The following HECTD4 variants were observed in gnomAD, a reference collection of about 807,000 sequenced individuals.
HECTD4 encodes the protein HECT domain E3 ubiquitin protein ligase 4, also known as probable E3 ubiquitin-protein ligase HECTD4.
HECTD4 carries 114 observed loss-of-function variants against 471.5 expected under a neutral mutation model. The ratio of observed to expected loss-of-function variants is 0.24; its 90% CI spans 0.21 to 0.28. The LOEUF is 0.28. Among genes scored for constraint, HECTD4 ranks in the 10% least tolerant of loss-of-function variants. The pLI, the probability that HECTD4 is intolerant of heterozygous loss-of-function variation, is 1.00. For synonymous variants in HECTD4, 2,012 were observed against 2,256.0 expected (o/e 0.89, Z 3.07); for missense variants, 3,866 against 5,651.5 (o/e 0.68, Z 10.13).
At chr12:112,358,666 T>C (rs921766384) in intron 1 of HECTD4, among the ~76,000 whole-genome samples, 4 of 152,094 alleles carry the variant, frequency 2.6e-5, no homozygotes, top group Non-Finnish European at 5.9e-5. Context: ...ACATTTCGAA[T>C]CATAATTGAC....
intron 1 of HECTD4, among the ~76,000 whole-genome samples, chr12:112,333,076 T>C (rs942004838): frequency 6.6e-6 from 1 of 152,246 alleles, no homozygotes; most frequent in Non-Finnish European, 1.5e-5. Context: ...TTTGTATAGC[T>C]AGACCACATT....
At chr12:112,364,404 C>T (rs1490152052) in intron 1 of HECTD4, among the ~76,000 whole-genome samples, 1 of 143,412 alleles carries the variant, frequency 7.0e-6, no homozygotes, top group African/African-American at 2.7e-5. Context: ...AAGACTCTCT[C>T]TCTCAAAAAA....
intron 1 of HECTD4, among the ~76,000 whole-genome samples, chr12:112,371,034 T>C (rs964135907): frequency 7.9e-5 from 12 of 152,076 alleles, no homozygotes; most frequent in Non-Finnish European, 1.3e-4. Context: ...TTTCGGCAAT[T>C]GACAGTACTT....
At chr12:112,249,900 T>C in intron 25 of HECTD4, 3 of 517,838 alleles carry the variant, frequency 5.8e-6, no homozygotes, top group East Asian at 3.5e-5. Flanking sequence ...AGGTGCAAAA[T>C]GGGGTCCAAG....
chr12:112,213,905 C>A lies in HECTD4; in HGVS notation c.7466-1255G>T, dbSNP rs1344310089. Among the ~76,000 whole-genome samples the A allele has an allele frequency of 2.4e-4, 37 of 151,248 alleles. No individual in the cohort carries two copies. The highest frequency in any genetic ancestry group is 2.2e-3 in the Admixed American group (33 of 15,174). ...GGCATGGTAGTGTGTGCCTATGGTC[C>A]CAGTTACTCAGGAGGCTGAGATGGG... On this transcript the variant is annotated intron_variant, in intron 48 of 75. Transcript: ENST00000682272. This position sits in a 1 kb window ranked among gnomAD's most constrained non-coding sequence, Gnocchi z 4.0.
intron 32 of HECTD4, among the ~76,000 whole-genome samples, chr12:112,241,393 G>T (rs890706103): frequency 2.0e-5 from 3 of 152,134 alleles, no homozygotes; most frequent in Non-Finnish European, 4.4e-5. Context: ...TGAGGTGATG[G>T]TTTCCTCTTC....
At chr12:112,266,826 G>T in intron 14 of HECTD4, 86 bp downstream of exon 14, 1 of 737,990 alleles carries the variant, frequency 1.4e-6, no homozygotes. Context: ...ACATGAAGAA[G>T]TGTAAATATT....
rs1011003461 is a variant in HECTD4, at chr12:112,167,923, G to A, written c.12209-6C>T. 1 of 1,611,632 alleles carries A rather than the reference G, an allele frequency of 6.2e-7. No individual in the cohort carries two copies. The highest frequency in any genetic ancestry group is 8.5e-7 in the Non-Finnish European group (1 of 1,178,320). Reference sequence around the variant, plus strand: ...GAAGTGGCGGAAAGAGCCGCCTGTAGGACAGACGAGACACATGGGCACCTG... The same window carrying A: ...GAAGTGGCGGAAAGAGCCGCCTGTAAGACAGACGAGACACATGGGCACCTG... On this transcript the variant is annotated splice_polypyrimidine_tract_variant and splice_region_variant and intron_variant, in intron 70 of 75. Coordinates refer to ENST00000682272, the MANE Select transcript of HECTD4 (RefSeq NM_001388303.1).
In HECTD4 at chr12:112,268,737, C is replaced by T. The variant is rs962765510; in HGVS notation, c.2321+967G>A. ...CACCACTGCACTCGAGCCTGGGCAA[C>T]AAGAGTGAAACTCCGTCTCAAACAA... On this transcript the variant is annotated intron_variant, in intron 13 of 75. Transcript: ENST00000682272. Among the ~76,000 whole-genome samples, 3 of 138,414 alleles carry T rather than the reference C, an allele frequency of 2.2e-5. No homozygotes were observed. The East Asian group carries it at 6.7e-4, about 31-fold the overall frequency. The allele number at this position is 138,414 out of a possible 152,430, so 90.8% of individuals were successfully genotyped here.
At chr12:112,288,060 G>A (rs1241124204) in intron 7 of HECTD4, among the ~76,000 whole-genome samples, 2 of 151,534 alleles carry the variant, frequency 1.3e-5, no homozygotes, top group Non-Finnish European at 2.9e-5. Context: ...CAGGCACGGT[G>A]GCTCATGCCT....
In HECTD4 at chr12:112,162,517, G is replaced by A. The variant is rs2030728201; in HGVS notation, c.13127C>T (p.Pro4376Leu). The A allele has an allele frequency of 6.2e-7, 1 of 1,613,854 alleles. No homozygotes were observed. The highest frequency in any genetic ancestry group is 1.7e-5 in the Admixed American group (1 of 60,016). ...CTCCACGCGGATGTAGCGAGAGTCT[G>A]GGGAACCTACAAGAAACCGAGCCAG... ...IAPPDGTAGS[P>L]DSRYIRVETC... is the part of the protein sequence containing the mutation. The change falls in exon 76 of 76, where the codon CCA becomes CTA. Residue 4376 changes from proline (P) to leucine (L), a missense_variant. Coordinates refer to ENST00000682272, the MANE Select transcript of HECTD4 (RefSeq NM_001388303.1). The surrounding 1 kb of genome is among the most constrained non-coding windows in gnomAD (Gnocchi z 5.2).
intron 8 of HECTD4, among the ~76,000 whole-genome samples, 190 bp downstream of exon 8, chr12:112,282,920 A>G (rs915080847): frequency 6.6e-6 from 1 of 152,224 alleles, no homozygotes; most frequent in African/African-American, 2.4e-5. Flanking sequence ...TTACAGGTTC[A>G]TATGAATTTG....
intron 68 of HECTD4, 44 bp from the exon 69 acceptor site, chr12:112,170,496 C>A: frequency 6.2e-7 from 1 of 1,602,878 alleles, no homozygotes; most frequent in Non-Finnish European, 8.5e-7. Flanking sequence ...GGCTTTGTCC[C>A]TTCCTTCCCA....
Position 112,200,860 on chromosome 12 carries a change from C to A in HECTD4, c.8407-62G>T, listed in dbSNP as rs916841964. The A allele has an allele frequency of 1.3e-5, 19 of 1,485,020 alleles. No individual in the cohort carries two copies. The African/African-American group carries it at 2.0e-4, about 16-fold the overall frequency. The allele number at this position is 1,485,020 out of a possible 1,614,324, so 92.0% of individuals were successfully genotyped here. ...TGCTTTTGTTTTCCATGTGTGCGTG[C>A]GTGCGTGTGTGTGTGCGTGCGTGCG... On this transcript the variant is annotated intron_variant, in intron 54 of 75. Coordinates refer to ENST00000682272, the MANE Select transcript of HECTD4 (RefSeq NM_001388303.1).
intron 55 of HECTD4, among the ~76,000 whole-genome samples, chr12:112,197,076 G>A (rs577221901): frequency 6.6e-6 from 1 of 151,782 alleles, no homozygotes; most frequent in Admixed American, 6.6e-5. Context: ...GATTATAGGC[G>A]TGACCCACTG....
intron 44 of HECTD4, among the ~76,000 whole-genome samples, chr12:112,222,341 G>A (rs910200342): frequency 6.6e-6 from 1 of 152,172 alleles, no homozygotes; most frequent in Non-Finnish European, 1.5e-5. Flanking sequence ...ACAGGCGTGA[G>A]CCACAGCACC....
At chr12:112,229,650 T>G in intron 41 of HECTD4, 48 bp downstream of exon 41, 1 of 1,528,706 alleles carries the variant, frequency 6.5e-7, no homozygotes. Flanking sequence ...TAATGGATGC[T>G]TATATATATG....
chr12:112,310,360 T>C (rs2035348370), intron 4 of HECTD4, among the ~76,000 whole-genome samples: 1 of 152,230 alleles, frequency 6.6e-6, no homozygotes, highest in Non-Finnish European at 1.5e-5. Context: ...AAAAGTTTCA[T>C]ATCTTTTCTA....
At chr12:112,333,001 T>C (rs1174083024) in intron 1 of HECTD4, among the ~76,000 whole-genome samples, 3 of 152,250 alleles carry the variant, frequency 2.0e-5, no homozygotes, top group East Asian at 3.8e-4. Context: ...TATACTGTTT[T>C]CAAGGGTCAT....
Sources: gnomAD v4.1 joint callset for allele counts (sites outside exome capture counted in the v4.1 genomes callset) on GRCh38, gnomAD v4.1.1 for gene constraint, Gnocchi (gnomAD v3.1) non-coding constraint, MANE v1.5 for transcripts, NCBI Gene and HGNC (gene_info 2026-07-23, HGNC 2026-07-21) for gene names.